Variants in GRIP1 observed in about 807,000 individuals in gnomAD.
GRIP1 encodes the protein glutamate receptor-interacting protein 1.
GRIP1 carries 45 observed loss-of-function variants against 129.9 expected under a neutral mutation model. That is an observed-to-expected ratio of 0.35 (90% CI 0.27 to 0.44). GRIP1 has a LOEUF of 0.44. Ranked by LOEUF, GRIP1 falls within the 20% of genes least tolerant of loss-of-function variation. GRIP1 has a pLI of 1.00. For synonymous variants in GRIP1, 530 were observed against 520.8 expected (o/e 1.02, Z -0.24); for missense variants, 1,196 against 1,396.8 (o/e 0.86, Z 2.29).
Position 66,401,609 on chromosome 12 carries a change from T to TATATATACACACAC in GRIP1, c.1984+4673_1984+4674insGTGTGTGTATATAT, listed in dbSNP as rs1169241331. 1.1e-3 allele frequency among the ~76,000 whole-genome samples: 119 copies of TATATATACACACAC among 110,178 alleles called. 1 individual carries two copies. The highest frequency in any genetic ancestry group is 3.8e-3 in the African/African-American group (102 of 26,802). The allele number at this position is 110,178 out of a possible 152,430, so 72.3% of individuals were successfully genotyped here. A position where few individuals can be genotyped will look rare whatever the true frequency, so the allele number is the denominator to read the frequency against. On this transcript the variant is annotated intron_variant, in intron 16 of 24. Transcript: ENST00000359742. ...AAAAAAATATGTGTGTATATATATATACACACACACACACACACACACACA... is the reference window on the plus strand; with the variant it reads ...AAAAAAATATGTGTGTATATATATATATATATACACACACACACACACACACACACACACACACA...
intron 1 of GRIP1, among the ~76,000 whole-genome samples, chr12:66,961,912 T>C (rs1384448927): frequency 6.6e-6 from 1 of 152,158 alleles, no homozygotes; most frequent in Non-Finnish European, 1.5e-5. Context: ...TACTCTAATG[T>C]ATTTCAAAAG....
chr12:66,567,284 A>C (rs564482603), intron 2 of GRIP1, among the ~76,000 whole-genome samples: 16 of 152,224 alleles, frequency 1.1e-4, no homozygotes, highest in Non-Finnish European at 1.6e-4. Context: ...TTCCCTCTGA[A>C]CACTGCTTTA....
chr12:66,557,889 G>A (rs2062389294), intron 2 of GRIP1, among the ~76,000 whole-genome samples: 1 of 151,812 alleles, frequency 6.6e-6, no homozygotes, highest in African/African-American at 2.4e-5. Context: ...AACAACCTAA[G>A]AATGCATCTT....
intron 1 of GRIP1, among the ~76,000 whole-genome samples, chr12:66,692,870 A>G (rs2035027550): frequency 6.6e-6 from 1 of 152,152 alleles, no homozygotes; most frequent in South Asian, 2.1e-4. Flanking sequence ...TTCTCTAGCT[A>G]CTCATAGGAT....
At chr12:66,934,744 A>T (rs549186855) in intron 1 of GRIP1, among the ~76,000 whole-genome samples, 1 of 152,238 alleles carries the variant, frequency 6.6e-6, no homozygotes, top group Non-Finnish European at 1.5e-5. Context: ...TTAACTAGAT[A>T]TCAAACACAA....
chr12:66,437,202 T>C (rs2058336060), intron 13 of GRIP1, among the ~76,000 whole-genome samples: 1 of 152,222 alleles, frequency 6.6e-6, no homozygotes, highest in South Asian at 2.1e-4. Flanking sequence ...TCAGAAGTAC[T>C]GAACAGTCTT....
intron 7 of GRIP1, among the ~76,000 whole-genome samples, chr12:66,492,784 T>A (rs924554843): frequency 6.6e-6 from 1 of 151,860 alleles, no homozygotes; most frequent in Non-Finnish European, 1.5e-5. Flanking sequence ...CCAACGCGAG[T>A]GGATCACTTG....
intron 1 of GRIP1, among the ~76,000 whole-genome samples, chr12:66,698,510 A>G (rs1286344863): frequency 2.6e-5 from 4 of 152,328 alleles, no homozygotes; most frequent in African/African-American, 7.2e-5. Flanking sequence ...GCTTCCCAGG[A>G]CAGCTCTTTT....
intron 16 of GRIP1, among the ~76,000 whole-genome samples, chr12:66,405,012 C>G (rs2057140972): frequency 6.6e-6 from 1 of 152,192 alleles, no homozygotes; most frequent in Non-Finnish European, 1.5e-5. Flanking sequence ...ATGGCACACT[C>G]CAGCCTGGGT....
At chr12:66,648,957 T>C (rs1485917953) in intron 1 of GRIP1, among the ~76,000 whole-genome samples, 1 of 152,222 alleles carries the variant, frequency 6.6e-6, no homozygotes, top group African/African-American at 2.4e-5. Context: ...GTTTATTTGG[T>C]GACTTTCATT....
At chr12:66,388,377 A>C (rs1402257072) in intron 19 of GRIP1, among the ~76,000 whole-genome samples, 1 of 152,210 alleles carries the variant, frequency 6.6e-6, no homozygotes, top group African/African-American at 2.4e-5. Context: ...AATAAGATAG[A>C]AATATAGCTA....
At chr12:66,574,791 T>TC (rs2063084620) in intron 2 of GRIP1, among the ~76,000 whole-genome samples, 1 of 113,422 alleles carries the variant, frequency 8.8e-6, no homozygotes, top group African/African-American at 3.3e-5. Context: ...ACTTTTCTTT[T>TC]TTTTTTTTTT....
upstream of GRIP1, among the ~76,000 whole-genome samples, chr12:66,682,436 T>A (rs1294344030): frequency 2.6e-5 from 4 of 152,172 alleles, no homozygotes; most frequent in Non-Finnish European, 5.9e-5. Flanking sequence ...ATCACCTCCA[T>A]TGACAATATG....
intron 7 of GRIP1, among the ~76,000 whole-genome samples, chr12:66,486,984 T>A (rs1240030068): frequency 3.3e-5 from 5 of 151,872 alleles, no homozygotes; most frequent in African/African-American, 1.2e-4. Flanking sequence ...AGAAACAGGG[T>A]TTTACCATGT....
chr12:67,045,860 T>G (rs1237140593), intron 1 of GRIP1, among the ~76,000 whole-genome samples: 1 of 152,110 alleles, frequency 6.6e-6, no homozygotes, highest in Non-Finnish European at 1.5e-5. Flanking sequence ...TTCAACCACA[T>G]GCCATGAGAG....
intron 1 of GRIP1, among the ~76,000 whole-genome samples, chr12:67,035,220 G>T (rs2043077712): frequency 6.6e-6 from 1 of 152,130 alleles, no homozygotes; most frequent in Non-Finnish European, 1.5e-5. Context: ...AAAAAAACGT[G>T]TTTCCTCCAT....
At chr12:66,804,525 A>C (rs1450304052), upstream of GRIP1, among the ~76,000 whole-genome samples, 1 of 152,224 alleles carries the variant, frequency 6.6e-6, no homozygotes, top group African/African-American at 2.4e-5. Context: ...GACTTTAAAT[A>C]GCTTCAAAAC....
At chr12:66,571,154 C>T (rs1461008477) in intron 2 of GRIP1, 2 of 152,132 alleles carry the variant, frequency 1.3e-5, no homozygotes, top group East Asian at 1.9e-4. Context: ...GACTATTTTT[C>T]TTTTATTCTG....
At chr12:66,378,305 A>G (rs905248152) in intron 20 of GRIP1, among the ~76,000 whole-genome samples, 37 of 152,228 alleles carry the variant, frequency 2.4e-4, no homozygotes, top group African/African-American at 7.9e-4. Context: ...CACAAAAATT[A>G]GCTGGGCGTG....
Sources: gnomAD v4.1 joint callset for allele counts (sites outside exome capture counted in the v4.1 genomes callset) on GRCh38, gnomAD v4.1.1 for gene constraint, MANE v1.5 for transcripts, NCBI Gene and HGNC (gene_info 2026-07-23, HGNC 2026-07-21) for gene names.